The following CNTN4 variants were observed in gnomAD, a reference collection of about 807,000 sequenced individuals.
CNTN4 encodes the protein contactin-4.
In CNTN4, 77 loss-of-function variants were observed where a neutral mutation model predicts 122.5. The observed-to-expected ratio is 0.63, with a 90% CI of 0.52 to 0.76. CNTN4 has a LOEUF of 0.76. Ranked by LOEUF, CNTN4 falls within the 30% of genes least tolerant of loss-of-function variation. The pLI is 0.00. For missense variants in CNTN4, 1,256 were observed against 1,259.1 expected, an observed-to-expected ratio of 1.00 and a Z score of 0.04; for synonymous variants, 512 against 447.0, an observed-to-expected ratio of 1.15 and a Z score of -1.83.
intron 3 of CNTN4, among the ~76,000 whole-genome samples, chr3:2,524,208 A>G (rs558859453): frequency 3.9e-5 from 6 of 152,048 alleles, no homozygotes; most frequent in South Asian, 4.2e-4. Context: ...CCTCGTCTGG[A>G]TGTTTTATAT....
At chr3:2,886,830 A>T in intron 9 of CNTN4, among the ~76,000 whole-genome samples, 1 of 152,184 alleles carries the variant, frequency 6.6e-6, no homozygotes, top group East Asian at 1.9e-4. Flanking sequence ...CCTTATTGAA[A>T]GTTAAGAAAA....
chr3:2,959,516 G>A (rs184438002), intron 13 of CNTN4, among the ~76,000 whole-genome samples: 199 of 151,970 alleles, frequency 1.3e-3, no homozygotes, highest in Non-Finnish European at 2.2e-3. Context: ...AATCATTGAG[G>A]AGCTTACCCT....
chr3:2,422,040 TAA>T (rs2047638172), intron 3 of CNTN4, among the ~76,000 whole-genome samples: 1 of 152,166 alleles, frequency 6.6e-6, no homozygotes. Flanking sequence ...CTTTTATGGA[TAA>T]GTTTATCTTT....
intron 13 of CNTN4, among the ~76,000 whole-genome samples, chr3:2,933,819 T>C (rs1164841720): frequency 6.6e-6 from 1 of 152,088 alleles, no homozygotes; most frequent in Non-Finnish European, 1.5e-5. Flanking sequence ...CAGACATCAG[T>C]AGATAAGAAG....
At chr3:2,487,007 T>C (rs1288204062) in intron 3 of CNTN4, among the ~76,000 whole-genome samples, 1 of 152,192 alleles carries the variant, frequency 6.6e-6, no homozygotes, top group East Asian at 1.9e-4. Flanking sequence ...TAGAAATTTA[T>C]AGCCTAGTTG....
chr3:2,844,394 G>A (rs114979395), intron 7 of CNTN4, among the ~76,000 whole-genome samples: 2,231 of 152,304 alleles, frequency 0.015, 62 homozygotes, highest in African/African-American at 0.05. Flanking sequence ...CTCAGAAGTA[G>A]AATGAATATG....
At chr3:2,966,802 A>G (rs1297543502) in intron 13 of CNTN4, among the ~76,000 whole-genome samples, 1 of 152,184 alleles carries the variant, frequency 6.6e-6, no homozygotes, top group Non-Finnish European at 1.5e-5. Context: ...AGAAAGAATA[A>G]ATAAAAGGCA....
At chr3:2,316,459 A>G (rs2043102598) in intron 2 of CNTN4, among the ~76,000 whole-genome samples, 1 of 152,164 alleles carries the variant, frequency 6.6e-6, no homozygotes, top group African/African-American at 2.4e-5. Context: ...TCAATTAGTT[A>G]ATTTATTGAA....
intron 7 of CNTN4, among the ~76,000 whole-genome samples, chr3:2,851,221 T>C (rs1005393955): frequency 6.6e-6 from 1 of 152,222 alleles, no homozygotes; most frequent in Non-Finnish European, 1.5e-5. Flanking sequence ...TCTTAATCCA[T>C]CTCTCGTGGA....
At chr3:2,422,901 A>C (rs1189737091) in intron 3 of CNTN4, among the ~76,000 whole-genome samples, 2 of 152,170 alleles carry the variant, frequency 1.3e-5, no homozygotes, top group African/African-American at 4.8e-5. Context: ...CAGGAACTAA[A>C]TTTCTTTTAC....
At chr3:2,550,949 G>A (rs768474669) in intron 3 of CNTN4, among the ~76,000 whole-genome samples, 10 of 151,990 alleles carry the variant, frequency 6.6e-5, no homozygotes, top group Non-Finnish European at 1.2e-4. Context: ...GGGGCCTGTC[G>A]GGGGAGTGGG....
chr3:2,791,147 A>G (rs1167618354), intron 6 of CNTN4, among the ~76,000 whole-genome samples: 2 of 152,332 alleles, frequency 1.3e-5, no homozygotes, highest in African/African-American at 2.4e-5. Context: ...GAGTTTTATC[A>G]TGTAACTCAC....
intron 7 of CNTN4, among the ~76,000 whole-genome samples, chr3:2,827,409 T>C (rs1290975672): frequency 6.6e-6 from 1 of 152,230 alleles, no homozygotes; most frequent in Non-Finnish European, 1.5e-5. Context: ...ACACTCCTGA[T>C]TTTATTAATT....
At chr3:2,186,671 C>G (rs2037282817) in intron 2 of CNTN4, among the ~76,000 whole-genome samples, 1 of 152,208 alleles carries the variant, frequency 6.6e-6, no homozygotes, top group African/African-American at 2.4e-5. Context: ...TTGCATTTCT[C>G]TGATGGTCAG....
At chr3:2,961,231 C>CAAAAAGAAAAAAAAA (rs2094855087) in intron 13 of CNTN4, among the ~76,000 whole-genome samples, 2 of 37,262 alleles carry the variant, frequency 5.4e-5, no homozygotes, top group African/African-American at 1.0e-4. Flanking sequence ...CTCCATCTCA[C>CAAAAAGAAAAAAAAA]AAAAAAAAAA....
intron 4 of CNTN4, among the ~76,000 whole-genome samples, chr3:2,685,892 T>G (rs1370268571): frequency 6.6e-6 from 1 of 152,172 alleles, no homozygotes; most frequent in Admixed American, 6.5e-5. Context: ...GTTAGCAACA[T>G]TATACTCTGT....
At chr3:2,614,152 A>G (rs1041390793) in intron 4 of CNTN4, among the ~76,000 whole-genome samples, 5 of 152,192 alleles carry the variant, frequency 3.3e-5, no homozygotes, top group Admixed American at 2.6e-4. Context: ...CTGAGGAAGC[A>G]GAGTTTAAGC....
chr3:2,412,140 A>T (rs1165880923), intron 3 of CNTN4, among the ~76,000 whole-genome samples: 3 of 152,282 alleles, frequency 2.0e-5, no homozygotes, highest in South Asian at 4.1e-4. Context: ...TTTGTATTCC[A>T]TGTATCAGGA....
chr3:2,357,251 T>A (rs963553640), intron 3 of CNTN4, among the ~76,000 whole-genome samples: 1 of 152,206 alleles, frequency 6.6e-6, no homozygotes, highest in Non-Finnish European at 1.5e-5. Context: ...CTTTTCAGAA[T>A]AGAAATTAAT....
Sources: allele counts gnomAD v4.1 joint callset (sites outside exome capture counted in the v4.1 genomes callset), GRCh38; gene constraint gnomAD v4.1.1; transcripts MANE v1.5; gene names NCBI Gene and HGNC (gene_info 2026-07-23, HGNC 2026-07-21).